The following KCNH1 variants were observed in gnomAD, a reference collection of about 807,000 sequenced individuals.
The protein encoded by KCNH1 is potassium voltage-gated channel subfamily H member 1, also known as voltage-gated delayed rectifier potassium channel KCNH1.
KCNH1 carries 27 observed loss-of-function variants against 69.2 expected under a neutral mutation model. That is an observed-to-expected ratio of 0.39 (90% CI 0.29 to 0.54). KCNH1 has a LOEUF of 0.54. Among genes scored for constraint, KCNH1 ranks in the 20% least tolerant of loss-of-function variants. KCNH1 has a pLI of 0.68. For synonymous variants in KCNH1, 456 were observed against 487.7 expected (o/e 0.93, Z 0.86); for missense variants, 798 against 1,261.6 (o/e 0.63, Z 5.57).
At chr1:210,725,200 A>G (rs1682557987) in intron 10 of KCNH1, among the ~76,000 whole-genome samples, 1 of 152,184 alleles carries the variant, frequency 6.6e-6, no homozygotes, top group Non-Finnish European at 1.5e-5. Context: ...CCCAATGCCC[A>G]TAGCCCGTAG....
chr1:210,846,004 T>C (rs1271404566), intron 7 of KCNH1, among the ~76,000 whole-genome samples: 1 of 152,168 alleles, frequency 6.6e-6, no homozygotes, highest in Non-Finnish European at 1.5e-5. Context: ...ATAAAATACC[T>C]GGGAATCCAA....
chr1:210,744,730 G>A (rs543628811), intron 10 of KCNH1, among the ~76,000 whole-genome samples: 2 of 152,136 alleles, frequency 1.3e-5, no homozygotes, highest in African/African-American at 2.4e-5. Context: ...TCTAGGGTGG[G>A]GTCATGAATT....
intron 6 of KCNH1, among the ~76,000 whole-genome samples, chr1:210,963,052 T>C (rs1688327680): frequency 6.6e-6 from 1 of 151,838 alleles, no homozygotes; most frequent in Non-Finnish European, 1.5e-5. Context: ...TTTAAAAAAG[T>C]ATTCCCAAAT....
At chr1:210,849,934 T>A (rs1021328161) in intron 7 of KCNH1, among the ~76,000 whole-genome samples, 28 of 140,966 alleles carry the variant, frequency 2.0e-4, no homozygotes, top group South Asian at 8.5e-4. Context: ...AATAAAATTT[T>A]AAAAAATAAA....
intron 5 of KCNH1, among the ~76,000 whole-genome samples, chr1:211,060,830 A>ATCAAAGCCATAATAAAAAAGTCTCCCC (rs1690422135): frequency 6.6e-6 from 1 of 152,188 alleles, no homozygotes; most frequent in African/African-American, 2.4e-5. Flanking sequence ...AAAGTCTCCC[A>ATCAAAGCCATAATAAAAAAGTCTCCCC]TCAAAGAAAA....
At chr1:210,835,567 G>C (rs1007705860) in intron 7 of KCNH1, among the ~76,000 whole-genome samples, 5 of 152,078 alleles carry the variant, frequency 3.3e-5, no homozygotes, top group Admixed American at 2.6e-4. Flanking sequence ...AGAGAGGGAG[G>C]GAGGCAGCAG....
chr1:210,995,260 C>A (rs1339755842), intron 6 of KCNH1, among the ~76,000 whole-genome samples: 2 of 152,124 alleles, frequency 1.3e-5, no homozygotes, highest in Non-Finnish European at 2.9e-5. Context: ...GCCATTCTTC[C>A]TTTTTTCCCC....
intron 5 of KCNH1, among the ~76,000 whole-genome samples, chr1:211,026,663 T>C (rs1437156388): frequency 6.6e-6 from 1 of 152,170 alleles, no homozygotes; most frequent in South Asian, 2.1e-4. Flanking sequence ...GTAAGGAGCA[T>C]GGACTTCCAC....
chr1:210,860,750 T>A, intron 7 of KCNH1: 1 of 791,186 alleles, frequency 1.3e-6, no homozygotes, highest in Non-Finnish European at 2.3e-6. Flanking sequence ...TTCACAGGCA[T>A]GTCTCTGTCA....
chr1:211,068,031 CTAAGGCCAGAT>C (rs1378608018), intron 5 of KCNH1, among the ~76,000 whole-genome samples: 7 of 152,224 alleles, frequency 4.6e-5, no homozygotes, highest in African/African-American at 1.7e-4. Flanking sequence ...ACAGTAAGAA[CTAAGGCCAGAT>C]TGCCTTAGCT....
chr1:210,788,410 G>T (rs1420078449), intron 9 of KCNH1, among the ~76,000 whole-genome samples: 1 of 152,018 alleles, frequency 6.6e-6, no homozygotes, highest in East Asian at 1.9e-4. Flanking sequence ...CATAACAACT[G>T]CCTTAATTTA....
chr1:210,830,205 C>T (rs2102438112), intron 7 of KCNH1, among the ~76,000 whole-genome samples: 1 of 152,298 alleles, frequency 6.6e-6, no homozygotes, highest in South Asian at 2.1e-4. Context: ...CCCTGAAATG[C>T]CTTCCCCGTC....
At chr1:210,903,606 A>G (rs2102539031) in intron 7 of KCNH1, among the ~76,000 whole-genome samples, 1 of 152,360 alleles carries the variant, frequency 6.6e-6, no homozygotes, top group African/African-American at 2.4e-5. Flanking sequence ...GGTATAAAGC[A>G]GGCATTCATA....
At chr1:210,958,611 T>C (rs1321133373) in intron 6 of KCNH1, among the ~76,000 whole-genome samples, 2 of 152,210 alleles carry the variant, frequency 1.3e-5, no homozygotes, top group Non-Finnish European at 2.9e-5. Context: ...TTCATTTCTT[T>C]TTACTCTTTT....
Position 210,859,137 on chromosome 1 carries a change from T to C in KCNH1, c.1463-54971A>G. 4.8e-6 allele frequency: 6 copies of C among 1,254,486 alleles called. No homozygotes were observed. In the South Asian group the frequency reaches 6.0e-5, roughly 12 times the overall value. The allele number at this position is 1,254,486 out of a possible 1,614,324, so 77.7% of individuals were successfully genotyped here. On this transcript the variant is annotated intron_variant, in intron 7 of 10. Transcript: ENST00000271751. Reference sequence around the variant, plus strand: ...CCACTACTAGGAGGAACACAAGCTCTTCACTACAATCACACAGTAGGAAAG... The same window carrying C: ...CCACTACTAGGAGGAACACAAGCTCCTCACTACAATCACACAGTAGGAAAG...
chr1:210,801,757 C>A (rs565648807), intron 8 of KCNH1, among the ~76,000 whole-genome samples: 6 of 152,204 alleles, frequency 3.9e-5, no homozygotes, highest in Non-Finnish European at 7.3e-5. Context: ...CCCACAGAAC[C>A]TACAGGCATT....
chr1:211,065,714 T>C (rs1294068877), intron 5 of KCNH1, among the ~76,000 whole-genome samples: 1 of 152,184 alleles, frequency 6.6e-6, no homozygotes, highest in Non-Finnish European at 1.5e-5. Flanking sequence ...TGTATATATA[T>C]TTCAAGACAA....
intron 10 of KCNH1, among the ~76,000 whole-genome samples, chr1:210,736,063 C>T (rs1358139887): frequency 1.3e-5 from 2 of 151,332 alleles, no homozygotes; most frequent in Non-Finnish European, 1.5e-5. Flanking sequence ...GAGATAGGGT[C>T]TCATTAAGTT....
intron 7 of KCNH1, among the ~76,000 whole-genome samples, chr1:210,876,879 A>G (rs895413704): frequency 6.6e-6 from 1 of 152,098 alleles, no homozygotes; most frequent in Non-Finnish European, 1.5e-5. Context: ...TGCAGGCATA[A>G]TTTGTTCTGC....
Sources: gnomAD v4.1 joint callset for allele counts (sites outside exome capture counted in the v4.1 genomes callset) on GRCh38, gnomAD v4.1.1 for gene constraint, MANE v1.5 for transcripts, NCBI Gene and HGNC (gene_info 2026-07-23, HGNC 2026-07-21) for gene names.